Variants in GGNBP2 observed in about 807,000 individuals in gnomAD.
GGNBP2 encodes the protein gametogenetin binding protein 2.
In GGNBP2, 10 loss-of-function variants were observed where a neutral mutation model predicts 85.9. That is an observed-to-expected ratio of 0.12 (90% CI 0.07 to 0.20). GGNBP2 has a LOEUF of 0.20. GGNBP2 is among the 10% of genes least tolerant of loss of function. The pLI, the probability that GGNBP2 is intolerant of heterozygous loss-of-function variation, is 1.00. For synonymous variants in GGNBP2, 287 were observed against 285.7 expected, an observed-to-expected ratio of 1.00 and a Z score of -0.05; for missense variants, 595 against 857.8, an observed-to-expected ratio of 0.69 and a Z score of 3.83.
chr17:36,563,998 C>T (rs1224769412), intron 5 of GGNBP2, among the ~76,000 whole-genome samples: 1 of 152,216 alleles, frequency 6.6e-6, no homozygotes, highest in Non-Finnish European at 1.5e-5. Context: ...CCCGCCTTGG[C>T]CTCCCAAAGT....
At chr17:36,564,194 T>C (rs2074447416) in intron 5 of GGNBP2, among the ~76,000 whole-genome samples, 4 of 152,252 alleles carry the variant, frequency 2.6e-5, no homozygotes. Flanking sequence ...ACCTGTTGGC[T>C]GAAGGCCTAA....
At chr17:36,575,642 A>T (rs1401678890) in intron 6 of GGNBP2, among the ~76,000 whole-genome samples, 561 of 51,484 alleles carry the variant, frequency 0.011, 17 homozygotes, top group African/African-American at 0.042. Context: ...ATATATATAT[A>T]TATATATTTT....
At chr17:36,569,120 G>A (rs1378722817) in intron 6 of GGNBP2, among the ~76,000 whole-genome samples, 1 of 151,904 alleles carries the variant, frequency 6.6e-6, no homozygotes, top group Non-Finnish European at 1.5e-5. Context: ...AGTAGAAAAG[G>A]AAACTGGTGG....
intron 6 of GGNBP2, among the ~76,000 whole-genome samples, chr17:36,571,722 A>C (rs915771630): frequency 3.3e-5 from 5 of 152,204 alleles, no homozygotes; most frequent in African/African-American, 1.2e-4. Flanking sequence ...GGGCGCCTGT[A>C]GTCCCAGCTA....
intron 2 of GGNBP2, among the ~76,000 whole-genome samples, chr17:36,549,423 C>T (rs1256563911): frequency 6.6e-6 from 1 of 152,214 alleles, no homozygotes; most frequent in African/African-American, 2.4e-5. Context: ...CCAGGCTGGT[C>T]TTGAACTCCT....
chr17:36,555,523 G>A (rs749363852), intron 3 of GGNBP2, among the ~76,000 whole-genome samples: 1 of 152,164 alleles, frequency 6.6e-6, no homozygotes, highest in East Asian at 1.9e-4. Context: ...GCAAAACCCT[G>A]TTTCTACAGA....
chr17:36,576,629 G>GTGTGTGTGTATATATA (rs1203227585), intron 6 of GGNBP2: 1 of 111,082 alleles, frequency 9.0e-6, no homozygotes, highest in Non-Finnish European at 1.7e-5. Flanking sequence ...GTGTGTGTGT[G>GTGTGTGTGTATATATA]TATATGTATA....
chr17:36,564,407 C>G (rs1174958795), intron 5 of GGNBP2, among the ~76,000 whole-genome samples: 2 of 152,208 alleles, frequency 1.3e-5, no homozygotes, highest in Non-Finnish European at 2.9e-5. Context: ...CAGTTACCTA[C>G]TTTTGTTAAA....
chr17:36,581,675 G>C, intron 9 of GGNBP2, 137 bp downstream of exon 9: 1 of 488,906 alleles, frequency 2.0e-6, no homozygotes, highest in East Asian at 3.4e-5. Flanking sequence ...GAGCCTAGGA[G>C]TTTGGGACCA....
At chr17:36,586,357 G>T in intron 12 of GGNBP2, 159 bp downstream of exon 12, 1 of 810,574 alleles carries the variant, frequency 1.2e-6, no homozygotes, top group Non-Finnish European at 1.9e-6. Flanking sequence ...TGAGAGTGTG[G>T]GTTGGGGGCA....
intron 2 of GGNBP2, among the ~76,000 whole-genome samples, chr17:36,553,808 T>C (rs2074334030): frequency 6.6e-6 from 1 of 152,178 alleles, no homozygotes; most frequent in African/African-American, 2.4e-5. Context: ...GATGACATCT[T>C]ATAGTAAAAA....
chr17:36,547,360 TAAA>T (rs951511429), intron 2 of GGNBP2: 1 of 148,806 alleles, frequency 6.7e-6, no homozygotes, highest in Non-Finnish European at 1.5e-5. Context: ...GCTGTGGAGT[TAAA>T]AAAAAAAATT....
chr17:36,589,123 C>G (rs1599556923), intron 13 of GGNBP2, 85 bp from the exon 14 acceptor site: 1 of 915,790 alleles, frequency 1.1e-6, no homozygotes. Flanking sequence ...AAAAGTTAGA[C>G]TGGTTTAATT....
intron 5 of GGNBP2, among the ~76,000 whole-genome samples, chr17:36,563,334 A>T (rs1399686354): frequency 6.6e-6 from 1 of 152,166 alleles, no homozygotes; most frequent in East Asian, 1.9e-4. Context: ...AAAGTAAAAA[A>T]TACAATGATT....
At chr17:36,585,278 C>A (rs766818195) in intron 9 of GGNBP2, 22 bp from the exon 10 acceptor site, 2 of 1,605,098 alleles carry the variant, frequency 1.2e-6, no homozygotes, top group Admixed American at 1.7e-5. Flanking sequence ...TCTTGACTCT[C>A]TCTTAATGTT....
chr17:36,584,893 G>T (rs752293036), intron 9 of GGNBP2, among the ~76,000 whole-genome samples: 1 of 151,346 alleles, frequency 6.6e-6, no homozygotes, highest in Non-Finnish European at 1.5e-5. Context: ...GTTTGAGGCT[G>T]CAGTAAGCCA....
intron 9 of GGNBP2, 107 bp from the exon 10 acceptor site, chr17:36,585,193 A>C: frequency 1.1e-6 from 1 of 933,902 alleles, no homozygotes; most frequent in South Asian, 1.5e-5. Context: ...AGTACAGTGA[A>C]AATGCCACAT....
At chr17:36,577,757 T>C (rs1485692734) in intron 6 of GGNBP2, 1 of 580,790 alleles carries the variant, frequency 1.7e-6, no homozygotes, top group Non-Finnish European at 3.1e-6. Context: ...TCTTTTAGGC[T>C]ATGTGTTTCT....
At chr17:36,583,081 G>T (rs994134353) in intron 9 of GGNBP2, among the ~76,000 whole-genome samples, 1 of 151,534 alleles carries the variant, frequency 6.6e-6, no homozygotes, top group Admixed American at 6.6e-5. Context: ...TTGAGACAGA[G>T]TCTCGCTCTG....
Sources: allele counts gnomAD v4.1 joint callset (sites outside exome capture counted in the v4.1 genomes callset), GRCh38; gene constraint gnomAD v4.1.1; transcripts MANE v1.5; gene names NCBI Gene and HGNC (gene_info 2026-07-23, HGNC 2026-07-21).